The following TRIM27 variants were observed in gnomAD, a reference collection of about 807,000 sequenced individuals.
The protein encoded by TRIM27 is zinc finger protein RFP.
Under a neutral mutation model 57.6 loss-of-function variants are expected in TRIM27, and 12 were observed. That is an observed-to-expected ratio of 0.21 (90% CI 0.13 to 0.34). The LOEUF is 0.34. TRIM27 is among the 10% of genes least tolerant of loss of function. The probability of loss-of-function intolerance (pLI) is 1.00; values close to 1 mark genes in which losing one functional copy is unlikely to be tolerated. For missense variants in TRIM27, 403 were observed against 656.8 expected, an observed-to-expected ratio of 0.61 and a Z score of 4.22; for synonymous variants, 266 against 259.0, an observed-to-expected ratio of 1.03 and a Z score of -0.26.
chr6:28,911,630 T>C, intron 4 of TRIM27, 66 bp downstream of exon 4: 2 of 1,541,736 alleles, frequency 1.3e-6, no homozygotes, highest in Non-Finnish European at 1.8e-6. Context: ...CCTTTCAGGA[T>C]TTACAAATGT....
chr6:28,912,617 A>G (rs530125915), intron 3 of TRIM27, among the ~76,000 whole-genome samples: 13 of 152,276 alleles, frequency 8.5e-5, no homozygotes, highest in Non-Finnish European at 1.8e-4. Context: ...TAACTTGGAT[A>G]GTATTCCATA....
intron 3 of TRIM27, among the ~76,000 whole-genome samples, chr6:28,914,449 A>G (rs1773451187): frequency 6.6e-6 from 1 of 151,840 alleles, no homozygotes; most frequent in Admixed American, 6.6e-5. Context: ...CCATAAAAAT[A>G]AGCACATAAT....
At chr6:28,909,112 A>ATTTTT in intron 4 of TRIM27, 24 bp from the exon 5 acceptor site, 1 of 1,262,586 alleles carries the variant, frequency 7.9e-7, no homozygotes, top group Non-Finnish European at 1.1e-6. Flanking sequence ...ACATGAGTAA[A>ATTTTT]TTTTTTTTTT....
At chr6:28,917,409 C>T (rs1431574794) in intron 3 of TRIM27, among the ~76,000 whole-genome samples, 1 of 151,732 alleles carries the variant, frequency 6.6e-6, no homozygotes, top group Non-Finnish European at 1.5e-5. Flanking sequence ...GAAACTCCGT[C>T]TCTATAAAAA....
rs1048544112 is a variant in TRIM27, at chr6:28,914,708, G to A, written c.748-2990C>T. On this transcript the variant is annotated intron_variant, in intron 3 of 7. Coordinates refer to ENST00000377199, the MANE Select transcript of TRIM27 (RefSeq NM_006510.5). ...ATATCCGAGTAACAGAAAAAAAAAA[G>A]AAACTGCATTTATGAATGTGAAGGA... The A allele has an allele frequency of 2.7e-5, 4 of 150,494 alleles. No individual in the cohort carries two copies. The Admixed American group carries it at 2.7e-4, about 10-fold the overall frequency. The allele number at this position is 150,494 out of a possible 1,614,324, so 9.3% of individuals were successfully genotyped here. A position where few individuals can be genotyped will look rare whatever the true frequency, so the allele number is the denominator to read the frequency against.
At chr6:28,921,726 A>C (rs1041501470) in intron 2 of TRIM27, among the ~76,000 whole-genome samples, 166 bp downstream of exon 2, 101 of 152,314 alleles carry the variant, frequency 6.6e-4, no homozygotes, top group African/African-American at 2.4e-3. Context: ...CCCCAAAAGT[A>C]AGGGAATCTT....
intron 6 of TRIM27, 167 bp from the exon 7 acceptor site, chr6:28,907,429 A>G (rs1772847895): frequency 2.7e-6 from 2 of 729,616 alleles, no homozygotes; most frequent in Non-Finnish European, 5.0e-6. Flanking sequence ...TGGCTCTATC[A>G]TCCAACCAAA....
intron 3 of TRIM27, among the ~76,000 whole-genome samples, chr6:28,912,760 T>C (rs1773300973): frequency 6.6e-6 from 1 of 152,230 alleles, no homozygotes. Flanking sequence ...TTTTAATAGT[T>C]ATATCTTCAA....
At chr6:28,919,112 T>C (rs759218001) in intron 3 of TRIM27, among the ~76,000 whole-genome samples, 6 of 152,042 alleles carry the variant, frequency 3.9e-5, no homozygotes, top group Non-Finnish European at 8.8e-5. Context: ...CTCCTGGTTT[T>C]GGGCAATTCC....
chr6:28,913,018 G>A (rs997359827), intron 3 of TRIM27, among the ~76,000 whole-genome samples: 13 of 152,082 alleles, frequency 8.5e-5, no homozygotes, highest in Admixed American at 8.5e-4. Flanking sequence ...CACTTTGGGA[G>A]GTCCAGGCGG....
At chr6:28,912,505 A>AC (rs1773282735) in intron 3 of TRIM27, among the ~76,000 whole-genome samples, 1 of 152,142 alleles carries the variant, frequency 6.6e-6, no homozygotes, top group African/African-American at 2.4e-5. Flanking sequence ...GAAAAAAAAA[A>AC]AAAGTAGCAT....
At chr6:28,917,508 G>T (rs2150484065) in intron 3 of TRIM27, among the ~76,000 whole-genome samples, 1 of 151,980 alleles carries the variant, frequency 6.6e-6, no homozygotes, top group East Asian at 1.9e-4. Flanking sequence ...AACTTGAGAG[G>T]GGGATGTTGC....
intron 4 of TRIM27, among the ~76,000 whole-genome samples, chr6:28,910,143 A>C (rs543813384): frequency 1.4e-5 from 2 of 138,676 alleles, no homozygotes; most frequent in East Asian, 2.2e-4. Flanking sequence ...AAAAAAAAAA[A>C]ACGAAGAAAA....
intron 3 of TRIM27, among the ~76,000 whole-genome samples, chr6:28,918,660 G>A (rs1307962756): frequency 6.6e-6 from 1 of 152,082 alleles, no homozygotes; most frequent in African/African-American, 2.4e-5. Context: ...GGCAGATCAC[G>A]AGGTCAGGAG....
intron 4 of TRIM27, 111 bp from the exon 5 acceptor site, chr6:28,909,199 C>G (rs1452733426): frequency 1.2e-5 from 9 of 725,514 alleles, no homozygotes; most frequent in Non-Finnish European, 2.1e-5. Flanking sequence ...CCTCTGCCTC[C>G]CAGGTTCAAG....
In TRIM27 at chr6:28,923,482, C is replaced by T. The variant is rs1337345529; in HGVS notation, c.151G>A (p.Val51Met). 1 of 1,612,228 alleles carries T rather than the reference C, an allele frequency of 6.2e-7. No homozygotes were observed. Among genetic ancestry groups the T allele is most frequent in the Non-Finnish European group, 8.5e-7 (1 of 1,179,670 alleles). ...ARCWGTAETN[V>M]SCPQCRETFP... ...GTCTCCCGGCACTGCGGGCACGACA[C>T]GTTAGTCTCTGCCGTGCCCCAGCAG... Residue 51 changes from valine (V) to methionine (M), a missense_variant, in exon 1 of 8, where the codon GTG (valine) becomes ATG (methionine). Coordinates refer to ENST00000377199, the MANE Select transcript of TRIM27 (RefSeq NM_006510.5).
intron 3 of TRIM27, among the ~76,000 whole-genome samples, chr6:28,919,276 C>G (rs757054469): frequency 3.3e-5 from 5 of 152,106 alleles, no homozygotes; most frequent in Non-Finnish European, 5.9e-5. Flanking sequence ...CCCCAAAGTG[C>G]TGGGATTACA....
chr6:28,912,495 GAAA>G (rs745645172), intron 3 of TRIM27, among the ~76,000 whole-genome samples: 1 of 136,422 alleles, frequency 7.3e-6, no homozygotes, highest in Non-Finnish European at 1.6e-5. Context: ...TCTGTCTCAG[GAAA>G]AAAAAAAAAA....
chr6:28,920,313 T>G (rs2150490340), intron 2 of TRIM27, 71 bp from the exon 3 acceptor site: 2 of 1,352,502 alleles, frequency 1.5e-6, no homozygotes, highest in Non-Finnish European at 2.0e-6. Context: ...AGTTCTCCTG[T>G]GACCATGTAG....
Sources: gnomAD v4.1 joint callset for allele counts (sites outside exome capture counted in the v4.1 genomes callset) on GRCh38, gnomAD v4.1.1 for gene constraint, MANE v1.5 for transcripts, NCBI Gene and HGNC (gene_info 2026-07-23, HGNC 2026-07-21) for gene names.